Variants in RABGAP1L observed in about 807,000 individuals in gnomAD.
RABGAP1L encodes the protein RAB GTPase activating protein 1 like, also known as rab GTPase-activating protein 1-like.
A neutral mutation model predicts 137.7 loss-of-function variants in RABGAP1L; 63 were observed. The ratio of observed to expected loss-of-function variants is 0.46; its 90% CI spans 0.37 to 0.56. The LOEUF is 0.56. Ranked by LOEUF, RABGAP1L falls within the 20% of genes least tolerant of loss-of-function variation. RABGAP1L has a pLI of 0.00. For synonymous variants in RABGAP1L, 431 were observed against 433.7 expected (o/e 0.99, Z 0.08); for missense variants, 1,095 against 1,244.0 (o/e 0.88, Z 1.80).
chr1:174,281,993 T>G (rs1675607572), intron 10 of RABGAP1L, among the ~76,000 whole-genome samples: 1 of 152,224 alleles, frequency 6.6e-6, no homozygotes. Context: ...CCATCCATGT[T>G]GTATGTCAGT....
At chr1:174,383,646 G>T (rs1046069488) in intron 12 of RABGAP1L, among the ~76,000 whole-genome samples, 28 of 152,246 alleles carry the variant, frequency 1.8e-4, no homozygotes, top group African/African-American at 6.5e-4. Context: ...CCCTGCTTCG[G>T]CTCGCGCACG....
At chr1:174,920,695 T>A (rs1181923569) in intron 19 of RABGAP1L, among the ~76,000 whole-genome samples, 4 of 152,140 alleles carry the variant, frequency 2.6e-5, no homozygotes, top group Non-Finnish European at 5.9e-5. Context: ...TGGGGAAGGT[T>A]CTAATCCAAT....
intron 15 of RABGAP1L, among the ~76,000 whole-genome samples, chr1:174,696,602 T>C (rs975840698): frequency 6.6e-6 from 1 of 152,170 alleles, no homozygotes; most frequent in South Asian, 2.1e-4. Context: ...GAATCCTTCC[T>C]TGTTGTGTGC....
chr1:174,442,968 C>G (rs904040775), intron 13 of RABGAP1L, among the ~76,000 whole-genome samples: 2 of 152,058 alleles, frequency 1.3e-5, no homozygotes, highest in Non-Finnish European at 2.9e-5. Context: ...GAGTATGCAA[C>G]ATTTGTCTTT....
chr1:174,623,687 A>C (rs1572571097), intron 13 of RABGAP1L, among the ~76,000 whole-genome samples: 1 of 152,182 alleles, frequency 6.6e-6, no homozygotes, highest in Non-Finnish European at 1.5e-5. Flanking sequence ...AGGCTCTGTC[A>C]CATATTACCT....
At chr1:174,264,005 T>A (rs888204243) in intron 7 of RABGAP1L, among the ~76,000 whole-genome samples, 21 of 152,104 alleles carry the variant, frequency 1.4e-4, no homozygotes, top group African/African-American at 4.8e-4. Context: ...ATAGTTGTTT[T>A]ATTCCCTTTT....
chr1:174,897,153 A>G (rs1045476868), intron 19 of RABGAP1L: 4 of 152,146 alleles, frequency 2.6e-5, no homozygotes, highest in African/African-American at 7.2e-5. Context: ...GGTCCTTCAC[A>G]TCCCTTGTAA....
chr1:174,468,429 C>A (rs1164253052), intron 13 of RABGAP1L, among the ~76,000 whole-genome samples: 1 of 152,106 alleles, frequency 6.6e-6, no homozygotes, highest in Non-Finnish European at 1.5e-5. Context: ...ATAATTCATC[C>A]TGATCATTGT....
intron 11 of RABGAP1L, among the ~76,000 whole-genome samples, chr1:174,325,433 G>T (rs937758266): frequency 6.6e-6 from 1 of 152,186 alleles, no homozygotes. Flanking sequence ...ACATATGAAA[G>T]TACCTTCATA....
chr1:174,617,044 A>G (rs12021697), intron 13 of RABGAP1L, among the ~76,000 whole-genome samples: 2 of 152,340 alleles, frequency 1.3e-5, no homozygotes, highest in East Asian at 3.9e-4. Flanking sequence ...TAAGTAGAGA[A>G]GGAGCCAGCA....
At chr1:174,198,686 T>C (rs897414175) in intron 1 of RABGAP1L, among the ~76,000 whole-genome samples, 1 of 152,162 alleles carries the variant, frequency 6.6e-6, no homozygotes, top group East Asian at 1.9e-4. Flanking sequence ...TATTGGGGAA[T>C]TGAGGTAAAG....
chr1:174,547,356 C>T (rs1411801437), intron 13 of RABGAP1L, among the ~76,000 whole-genome samples: 1 of 152,112 alleles, frequency 6.6e-6, no homozygotes, highest in Non-Finnish European at 1.5e-5. Context: ...GTGACTCACA[C>T]CTGTAATCCT....
At chr1:174,817,357 G>A (rs1446126223) in intron 19 of RABGAP1L, among the ~76,000 whole-genome samples, 1 of 152,154 alleles carries the variant, frequency 6.6e-6, no homozygotes, top group Non-Finnish European at 1.5e-5. Context: ...GGAAGTAAGA[G>A]TTAAAATGAA....
At chr1:174,163,166 A>G (rs755132131) in intron 1 of RABGAP1L, among the ~76,000 whole-genome samples, 4 of 152,182 alleles carry the variant, frequency 2.6e-5, no homozygotes, top group Non-Finnish European at 5.9e-5. Context: ...GAGAGTTTTA[A>G]TGCTGATATT....
intron 20 of RABGAP1L, among the ~76,000 whole-genome samples, chr1:174,960,514 CAT>C (rs1668994542): frequency 6.6e-6 from 1 of 152,096 alleles, no homozygotes; most frequent in Non-Finnish European, 1.5e-5. Context: ...TAAAACTCGA[CAT>C]ATCTTGAAAA....
intron 12 of RABGAP1L, among the ~76,000 whole-genome samples, chr1:174,378,722 C>T (rs1179835177): frequency 1.3e-5 from 2 of 150,884 alleles, no homozygotes; most frequent in Non-Finnish European, 3.0e-5. Context: ...AAAATTTTCT[C>T]CCATTTTGTA....
chr1:174,818,529 G>A (rs931780725), intron 19 of RABGAP1L, among the ~76,000 whole-genome samples: 11 of 152,136 alleles, frequency 7.2e-5, no homozygotes, highest in African/African-American at 2.4e-4. Flanking sequence ...ATGAAGATGA[G>A]ACTGTTTTTC....
intron 17 of RABGAP1L, among the ~76,000 whole-genome samples, chr1:174,742,809 A>T (rs6695956): frequency 0.078 from 11,836 of 151,938 alleles, 636 homozygotes; most frequent in East Asian, 0.31. Context: ...TCAATGGCCA[A>T]TGGAACATGT....
In RABGAP1L at chr1:174,577,253, A is replaced by G. The variant is rs1668442349; in HGVS notation, c.1711-60122A>G. ...CACACACACACACACACACACACAC[A>G]CACACACACACATTGAGAGTCAGTG... On this transcript the variant is annotated intron_variant, in intron 13 of 25. Transcript: ENST00000681986. Among the ~76,000 whole-genome samples the G allele has an allele frequency of 1.4e-5, 2 of 145,512 alleles. 1 individual carries two copies. Among genetic ancestry groups the G allele is most frequent in the South Asian group, 4.5e-4 (2 of 4,494 alleles).
Sources: allele counts gnomAD v4.1 joint callset (sites outside exome capture counted in the v4.1 genomes callset), GRCh38; gene constraint gnomAD v4.1.1; transcripts MANE v1.5; gene names NCBI Gene and HGNC (gene_info 2026-07-23, HGNC 2026-07-21).